The following MS4A3 variants were observed in gnomAD, a reference collection of about 807,000 sequenced individuals.
MS4A3 encodes the protein membrane-spanning 4-domains subfamily A member 3.
MS4A3 carries 18 observed loss-of-function variants against 24.7 expected under a neutral mutation model. The observed-to-expected ratio is 0.73, with a 90% confidence interval of 0.50 to 1.08. MS4A3 has a LOEUF of 1.08. Among genes scored for constraint, MS4A3 ranks in the 50% least tolerant of loss-of-function variants. MS4A3 has a pLI of 0.00. For missense variants in MS4A3, 282 were observed against 251.7 expected, an observed-to-expected ratio of 1.12 and a Z score of -0.82; for synonymous variants, 84 against 95.3, an observed-to-expected ratio of 0.88 and a Z score of 0.69.
intron 1 of MS4A3, among the ~76,000 whole-genome samples, chr11:60,057,483 C>A (rs547640729): frequency 6.6e-6 from 1 of 152,256 alleles, no homozygotes; most frequent in Admixed American, 6.5e-5. Context: ...CGGCTCACTG[C>A]AAACTCCGCC....
chr11:60,067,785 C>T (rs944188945), intron 5 of MS4A3, among the ~76,000 whole-genome samples: 7 of 151,840 alleles, frequency 4.6e-5, no homozygotes, highest in South Asian at 2.1e-4. Flanking sequence ...CGGTGGCTCA[C>T]GCCTGTAATC....
intron 4 of MS4A3, 101 bp downstream of exon 4, chr11:60,064,419 G>C: frequency 1.3e-6 from 1 of 757,708 alleles, no homozygotes; most frequent in East Asian, 3.0e-5. Context: ...GAGACACTGA[G>C]TATCATTTAA....
chr11:60,068,842 AT>A (rs1565065352), intron 5 of MS4A3, among the ~76,000 whole-genome samples: 1 of 151,884 alleles, frequency 6.6e-6, no homozygotes, highest in Non-Finnish European at 1.5e-5. Context: ...TGTTAATGCT[AT>A]CCCTCCCCCA....
intron 1 of MS4A3, among the ~76,000 whole-genome samples, chr11:60,059,479 C>A (rs1400690693): frequency 2.0e-5 from 3 of 152,074 alleles, no homozygotes; most frequent in Non-Finnish European, 4.4e-5. Context: ...GTGTGTTGTG[C>A]AGATTGTCAC....
chr11:60,067,191 C>T, intron 5 of MS4A3, 79 bp downstream of exon 5: 3 of 1,056,746 alleles, frequency 2.8e-6, no homozygotes, highest in South Asian at 1.5e-5. Context: ...ATATCAGGTA[C>T]CAATGTGCCA....
At chr11:60,070,144 A>T in intron 6 of MS4A3, 60 bp from the exon 7 acceptor site, 2 of 1,361,574 alleles carry the variant, frequency 1.5e-6, no homozygotes, top group Non-Finnish European at 2.1e-6. Context: ...ACAGGAAGGG[A>T]TGGGAGGAGA....
intron 4 of MS4A3, 99 bp downstream of exon 4, chr11:60,064,417 G>T: frequency 2.6e-6 from 2 of 783,454 alleles, no homozygotes; most frequent in Non-Finnish European, 4.0e-6. Flanking sequence ...CTGAGACACT[G>T]AGTATCATTT....
At chr11:60,064,399 G>A (rs914272217) in intron 4 of MS4A3, 81 bp downstream of exon 4, 4 of 1,009,922 alleles carry the variant, frequency 4.0e-6, no homozygotes, top group Non-Finnish European at 4.4e-6. Context: ...AAGTGTCCAT[G>A]AATACAACTG....
chr11:60,057,319 A>C (rs537551490), intron 1 of MS4A3, among the ~76,000 whole-genome samples: 1 of 152,160 alleles, frequency 6.6e-6, no homozygotes, highest in South Asian at 2.1e-4. Flanking sequence ...CCTTAGAACA[A>C]ATGCCTGCCA....
At chr11:60,062,972 A>G (rs1222051685) in intron 3 of MS4A3, among the ~76,000 whole-genome samples, 4 of 151,690 alleles carry the variant, frequency 2.6e-5, no homozygotes, top group African/African-American at 9.7e-5. Context: ...TTGTTTTTGT[A>G]TTTTTAGTAG....
chr11:60,061,343 A>T (rs1222561801), intron 2 of MS4A3, 27 bp downstream of exon 2: 3 of 1,582,616 alleles, frequency 1.9e-6, no homozygotes, highest in Non-Finnish European at 2.6e-6. Context: ...TTAAACACTG[A>T]TTTAAGAGGG....
At chr11:60,063,170 A>T (rs570000202) in intron 3 of MS4A3, among the ~76,000 whole-genome samples, 2 of 152,210 alleles carry the variant, frequency 1.3e-5, no homozygotes, top group Non-Finnish European at 2.9e-5. Context: ...TATCTTATAT[A>T]TAACTATATG....
In MS4A3 at chr11:60,063,662, A is replaced by AATT. The variant is rs1409913001; in HGVS notation, c.295-598_295-596dup. 2.0e-5 allele frequency among the ~76,000 whole-genome samples: 3 copies of AATT among 152,214 alleles called. No homozygotes were observed. The East Asian group carries it at 5.8e-4, about 29-fold the overall frequency. The stretch of plus-strand genomic sequence containing the variant: ...TTGCCGTGCAAAAGCTCCTTAGTTT[A>AATT]ATTAGGTCCCAGCTATTTATCTTTG... On this transcript the variant is annotated intron_variant, in intron 3 of 6. Transcript: ENST00000278865.
In MS4A3 at chr11:60,064,280, T is replaced by A; in HGVS notation, c.313T>A (p.Leu105Met). ...GAVFFCSSGT[L>M]SVVAGIKPTR... The stretch of plus-strand genomic sequence containing the variant: ...CAAACAGTTCTGTAGTTCAGGAACC[T>A]TGTCTGTTGTAGCAGGGATAAAACC... Residue 105 changes from leucine to methionine, a missense_variant, in exon 4 of 7, where the codon TTG becomes ATG. Transcript: ENST00000278865. The A allele has an allele frequency of 6.2e-7, 1 of 1,605,030 alleles. No homozygotes were observed. The highest frequency in any genetic ancestry group is 2.3e-5 in the East Asian group (1 of 44,178).
In MS4A3 at chr11:60,067,027, T is replaced by C. The variant is rs1279260961; in HGVS notation, c.428T>C (p.Ile143Thr). 5.0e-6 allele frequency: 8 copies of C among 1,613,166 alleles called. No homozygotes were observed. The Admixed American group carries it at 1.2e-4, about 24-fold the overall frequency. Residue 143 changes from isoleucine (I) to threonine (T), a missense_variant, in exon 5 of 7, where the codon ATA (isoleucine) becomes ACA (threonine). Coordinates refer to ENST00000278865, the MANE Select transcript of MS4A3 (RefSeq NM_006138.5). ...LVGTAFLSLNIAVNIQSLRSC... is the reference protein window; with the variant it reads ...LVGTAFLSLNTAVNIQSLRSC... ...GGGACTGCTTTTCTCTCACTAAATA[T>C]AGCAGTTAATATCCAGTCATTAAGG...
At chr11:60,069,723 C>A in intron 6 of MS4A3, 48 bp downstream of exon 6, 1 of 1,396,264 alleles carries the variant, frequency 7.2e-7, no homozygotes, top group South Asian at 1.2e-5. Context: ...CAAAGCCTCC[C>A]TGTAGGGTTT....
At chr11:60,062,884 C>T (rs377301267) in intron 3 of MS4A3, among the ~76,000 whole-genome samples, 1 of 152,212 alleles carries the variant, frequency 6.6e-6, no homozygotes, top group South Asian at 2.1e-4. Context: ...CTCTGCCTCC[C>T]CAGTTCAAGT....
chr11:60,058,813 A>G (rs1015151789), intron 1 of MS4A3, among the ~76,000 whole-genome samples: 1 of 152,172 alleles, frequency 6.6e-6, no homozygotes, highest in Admixed American at 6.6e-5. Context: ...AATCCAAAAT[A>G]CACACAAATT....
chr11:60,070,244 C>A lies in MS4A3; in HGVS notation c.*11C>A. 1 of 1,423,090 alleles carries A rather than the reference C, an allele frequency of 7.0e-7. No individual in the cohort carries two copies. Among genetic ancestry groups the A allele is most frequent in the Non-Finnish European group, 9.7e-7 (1 of 1,030,760 alleles). 88.2% of individuals were successfully genotyped at this position (1,423,090 alleles called of 1,614,324 possible). On this transcript the variant is annotated 3_prime_UTR_variant, in exon 7 of 7. Coordinates refer to ENST00000278865, the MANE Select transcript of MS4A3 (RefSeq NM_006138.5). ...CCCAATTCTGTGTAATCAAGAATAC[C>A]TCCTTAATTCTGAGAGCATGAATAT... is the stretch of plus-strand genomic sequence containing the variant.
Sources: allele counts gnomAD v4.1 joint callset (sites outside exome capture counted in the v4.1 genomes callset), GRCh38; gene constraint gnomAD v4.1.1; transcripts MANE v1.5; gene names NCBI Gene and HGNC (gene_info 2026-07-23, HGNC 2026-07-21).